The following NOTCH2NLC variants were observed in gnomAD, a reference collection of about 807,000 sequenced individuals.
NOTCH2NLC encodes notch homolog 2 N-terminal-like protein C.
A neutral mutation model predicts 17.7 loss-of-function variants in NOTCH2NLC; 4 were observed. The observed-to-expected ratio is 0.23, with a 90% confidence interval of 0.11 to 0.52. The LOEUF (loss-of-function observed/expected upper bound fraction) is 0.52, where lower values mean the gene tolerates loss of function less well. Among genes scored for constraint, NOTCH2NLC ranks in the 20% least tolerant of loss-of-function variants. The pLI is 0.96. For missense variants in NOTCH2NLC, 57 were observed against 207.2 expected (o/e 0.28, Z 4.45); for synonymous variants, 18 against 86.0 (o/e 0.21, Z 4.38).
At chr1:149,449,184 C>T (rs1414440040) in intron 2 of NOTCH2NLC, among the ~76,000 whole-genome samples, 1 of 150,940 alleles carries the variant, frequency 6.6e-6, no homozygotes, top group African/African-American at 2.4e-5. Context: ...CCTGGCCTAG[C>T]TGTAAAATCT....
intron 1 of NOTCH2NLC, among the ~76,000 whole-genome samples, chr1:149,412,827 A>G (rs1482471579): frequency 6.8e-6 from 1 of 146,918 alleles, no homozygotes; most frequent in Non-Finnish European, 1.5e-5. Context: ...AAAAAAAAAA[A>G]AAAACCAAGG....
At chr1:149,450,170 AAG>A (rs1326369251) in intron 2 of NOTCH2NLC, among the ~76,000 whole-genome samples, 3 of 147,170 alleles carry the variant, frequency 2.0e-5, no homozygotes, top group Non-Finnish European at 4.5e-5. Flanking sequence ...AGAATTAAGA[AAG>A]AGCTTTCTCA....
chr1:149,461,462 C>T (rs1423769685), intron 3 of NOTCH2NLC, among the ~76,000 whole-genome samples: 1 of 149,824 alleles, frequency 6.7e-6, no homozygotes, highest in Non-Finnish European at 1.5e-5. Context: ...CCTTGATAGG[C>T]AGAGAGCACT....
intron 1 of NOTCH2NLC, among the ~76,000 whole-genome samples, chr1:149,428,897 T>A: frequency 6.7e-6 from 1 of 149,784 alleles, no homozygotes. Flanking sequence ...ATTATTTTAT[T>A]TAAAGAAAAA....
intron 1 of NOTCH2NLC, among the ~76,000 whole-genome samples, chr1:149,413,511 A>T (rs1170019165): frequency 1.3e-5 from 2 of 151,274 alleles, no homozygotes; most frequent in Non-Finnish European, 3.0e-5. Context: ...CCAAGCTGTA[A>T]GCATGTTGCA....
intron 1 of NOTCH2NLC, among the ~76,000 whole-genome samples, chr1:149,414,700 C>T (rs2084320797): frequency 6.6e-6 from 1 of 150,688 alleles, no homozygotes; most frequent in Admixed American, 6.6e-5. Flanking sequence ...CTTCCAGTGC[C>T]CCAGTGGATG....
chr1:149,449,215 T>C (rs2084575102), intron 2 of NOTCH2NLC, among the ~76,000 whole-genome samples: 1 of 151,022 alleles, frequency 6.6e-6, no homozygotes, highest in Non-Finnish European at 1.5e-5. Flanking sequence ...AAGCTTCGAG[T>C]TCCTCATATA....
chr1:149,450,635 TG>T lies in NOTCH2NLC; in HGVS notation c.210-4678del, dbSNP rs1306658780. On this transcript the variant is annotated intron_variant, in intron 2 of 4. Transcript: ENST00000650865. ...CTGTTTTTCCAAGGATGGCTGGAAATGGGGGAAAAGCCAGCAACAAGATGAT... is the reference window on the plus strand; with the variant it reads ...CTGTTTTTCCAAGGATGGCTGGAAATGGGGAAAAGCCAGCAACAAGATGAT... Among the ~76,000 whole-genome samples, 9 of 144,598 alleles carry T rather than the reference TG, an allele frequency of 6.2e-5. 1 individual carries two copies. In the East Asian group the frequency reaches 1.8e-3, roughly 29 times the overall value. 94.9% of individuals were successfully genotyped at this position (144,598 alleles called of 152,430 possible).
rs1236208555 is a variant in NOTCH2NLC, at chr1:149,470,291, C to A, written c.*6138C>A. ...AATATTAGCTAATATGTGTAAGGCA[C>A]TGTGTTTAGTGCTTTTTCCCTTAAT... is the stretch of plus-strand genomic sequence containing the variant. On this transcript the variant is annotated 3_prime_UTR_variant, in exon 5 of 5. Transcript: ENST00000650865. Among the ~76,000 whole-genome samples the A allele has an allele frequency of 6.6e-6, 1 of 150,988 alleles. No individual in the cohort carries two copies. Among genetic ancestry groups the A allele is most frequent in the Non-Finnish European group, 1.5e-5 (1 of 67,548 alleles).
chr1:149,448,904 G>A (rs1412219199), intron 2 of NOTCH2NLC, among the ~76,000 whole-genome samples: 1 of 143,046 alleles, frequency 7.0e-6, no homozygotes, highest in Non-Finnish European at 1.5e-5. Flanking sequence ...TTTTTTGAGA[G>A]GGAGTCTCGC....
chr1:149,393,069 CAAAAAAAAAAA>C (rs1158506660), intron 1 of NOTCH2NLC, among the ~76,000 whole-genome samples: 1 of 43,090 alleles, frequency 2.3e-5, no homozygotes, highest in Non-Finnish European at 5.4e-5. Flanking sequence ...GACTCCGTCT[CAAAAAAAAAAA>C]AAAAAAAAAA....
intron 1 of NOTCH2NLC, among the ~76,000 whole-genome samples, chr1:149,426,576 CTTTTTT>C (rs1224339764): frequency 2.1e-4 from 22 of 104,444 alleles, no homozygotes; most frequent in African/African-American, 7.4e-4. Flanking sequence ...TTCTTTTTGC[CTTTTTT>C]TTTTTTTTTT....
chr1:149,413,746 A>G (rs1313323047), intron 1 of NOTCH2NLC, among the ~76,000 whole-genome samples: 1 of 151,056 alleles, frequency 6.6e-6, no homozygotes, highest in Non-Finnish European at 1.5e-5. Flanking sequence ...TAGATCATAT[A>G]TCTTCATTAG....
intron 1 of NOTCH2NLC, among the ~76,000 whole-genome samples, chr1:149,427,057 AAAGTGATG>A (rs1476193910): frequency 6.6e-6 from 1 of 150,486 alleles, no homozygotes; most frequent in African/African-American, 2.5e-5. Flanking sequence ...TATAGGGTAC[AAAGTGATG>A]TTATAATTTG....
intron 2 of NOTCH2NLC, among the ~76,000 whole-genome samples, chr1:149,454,525 T>A (rs1570919658): frequency 6.7e-6 from 1 of 148,480 alleles, no homozygotes; most frequent in Admixed American, 6.7e-5. Context: ...GTGGAAAATA[T>A]CATAGAATGT....
chr1:149,433,816 C>T (rs2084467433), intron 2 of NOTCH2NLC, among the ~76,000 whole-genome samples: 1 of 150,822 alleles, frequency 6.6e-6, no homozygotes, highest in African/African-American at 2.4e-5. Flanking sequence ...GGCGTGGTGG[C>T]ACGCACCTGT....
rs1342338190 is a variant in NOTCH2NLC, at chr1:149,406,950, C to T, written c.135+16028C>T. ...TGGCCAACGCAAGATTATGGATCAC[C>T]TAAAGAGTAGACTAAAAGTACTATT... On this transcript the variant is annotated intron_variant, in intron 1 of 4. Transcript: ENST00000650865. Among the ~76,000 whole-genome samples the T allele has an allele frequency of 3.3e-5, 5 of 151,450 alleles. No homozygotes were observed. In the East Asian group the frequency reaches 5.9e-4, roughly 18 times the overall value.
Position 149,390,781 on chromosome 1 carries a change from C to G in NOTCH2NLC, c.-7C>G. On this transcript the variant is annotated 5_prime_UTR_variant, in exon 1 of 5. Coordinates refer to ENST00000650865, the MANE Select transcript of NOTCH2NLC (RefSeq NM_001364013.2). ...GAGTGGGGCTCCTCTATCGGGACCCCCTCCCCATGTGGATCTGCCCAGGCG... is the reference window on the plus strand; with the variant it reads ...GAGTGGGGCTCCTCTATCGGGACCCGCTCCCCATGTGGATCTGCCCAGGCG... The G allele has an allele frequency of 8.6e-7, 1 of 1,166,910 alleles. No homozygotes were observed. The highest frequency in any genetic ancestry group is 1.1e-6 in the Non-Finnish European group (1 of 925,992). The allele number at this position is 1,166,910 out of a possible 1,614,324, so 72.3% of individuals were successfully genotyped here.
intron 1 of NOTCH2NLC, among the ~76,000 whole-genome samples, chr1:149,407,095 G>GA: frequency 6.6e-6 from 1 of 150,682 alleles, no homozygotes; most frequent in East Asian, 2.0e-4. Context: ...TTGATTCATA[G>GA]AAAAAATTAT....
Sources: gnomAD v4.1 joint callset for allele counts (sites outside exome capture counted in the v4.1 genomes callset) on GRCh38, gnomAD v4.1.1 for gene constraint, MANE v1.5 for transcripts, NCBI Gene and HGNC (gene_info 2026-07-23, HGNC 2026-07-21) for gene names.